CCDC136: variants seen among roughly 807,000 people sequenced by gnomAD.
The protein encoded by CCDC136 is coiled-coil domain-containing protein 136.
CCDC136 carries 100 observed loss-of-function variants against 141.2 expected under a neutral mutation model. The observed-to-expected ratio is 0.71, with a 90% confidence interval of 0.60 to 0.84. CCDC136 has a LOEUF of 0.84. CCDC136 is among the 40% of genes least tolerant of loss of function. The probability of loss-of-function intolerance (pLI) is 0.00; values close to 1 mark genes in which losing one functional copy is unlikely to be tolerated. For synonymous variants in CCDC136, 474 were observed against 531.9 expected (o/e 0.89, Z 1.50); for missense variants, 1,206 against 1,379.4 (o/e 0.87, Z 1.99).
intron 10 of CCDC136, 74 bp downstream of exon 10, chr7:128,807,619 A>G: frequency 9.3e-7 from 1 of 1,074,700 alleles, no homozygotes; most frequent in African/African-American, 1.6e-5. Flanking sequence ...GCAAAAAGTG[A>G]AGGCACCCAA....
At chr7:128,820,705 C>T (rs1421226025) in intron 17 of CCDC136, among the ~76,000 whole-genome samples, 1 of 152,180 alleles carries the variant, frequency 6.6e-6, no homozygotes, top group East Asian at 1.9e-4. Flanking sequence ...CTCAAGCGAT[C>T]CTCCTCCCTC....
chr7:128,817,626 G>GT lies in CCDC136; in HGVS notation c.3364-126dup. 1.2e-6 allele frequency: 1 copy of GT among 805,358 alleles called. No homozygotes were observed. The highest frequency in any genetic ancestry group is 2.2e-6 in the Non-Finnish European group (1 of 452,494). The allele number at this position is 805,358 out of a possible 1,614,324, so 49.9% of individuals were successfully genotyped here. On this transcript the variant is annotated intron_variant, in intron 16 of 17. Transcript: ENST00000297788. This position sits in a 1 kb window ranked among gnomAD's most constrained non-coding sequence, Gnocchi z 4.6. ...GACATGCAACTGCTCTAGCTTACCT[G>GT]TTTTTTAACCTCTTGATTCCTTTCT...
chr7:128,818,623 A>G (rs1271677839), intron 17 of CCDC136, among the ~76,000 whole-genome samples: 1 of 152,216 alleles, frequency 6.6e-6, no homozygotes, highest in Non-Finnish European at 1.5e-5. Context: ...AGAATGAGGT[A>G]TTAGTGAAAA....
rs757553337 is a variant in CCDC136, at chr7:128,811,795, C to T, written c.2029-5C>T. ...ATGATACTGTCTCCCCACCCCTGCC[C>T]CCAGCAATCCAAGCTGCTCATGGAG... On this transcript the variant is annotated splice_polypyrimidine_tract_variant and splice_region_variant and intron_variant, in intron 12 of 17. Coordinates refer to ENST00000297788, the MANE Select transcript of CCDC136 (RefSeq NM_022742.5). 6.2e-5 allele frequency: 97 copies of T among 1,564,644 alleles called. No homozygotes were observed. The highest frequency in any genetic ancestry group is 8.2e-5 in the Non-Finnish European group (95 of 1,159,318).
chr7:128,801,489 C>T lies in CCDC136; in HGVS notation c.650C>T (p.Ser217Leu). Reference sequence around the variant, plus strand: ...GAACCATCCGGTAGTTTAGGTCTCTCAGATTACTCTGGGTTACAAGGTATG... The same window carrying T: ...GAACCATCCGGTAGTTTAGGTCTCTTAGATTACTCTGGGTTACAAGGTATG... ...SSEPSGSLGL[S>L]DYSGLQEELQ... Residue 217 changes from serine (S) to leucine (L), a missense_variant, in exon 4 of 18, where the codon TCA becomes TTA. Transcript: ENST00000297788. 1 of 1,604,178 alleles carries T rather than the reference C, an allele frequency of 6.2e-7. No homozygotes were observed. The highest frequency in any genetic ancestry group is 1.1e-5 in the South Asian group (1 of 90,460).
chr7:128,817,799 T>G lies in CCDC136; in HGVS notation c.3405T>G (p.Leu1135=). The stretch of plus-strand genomic sequence containing the variant: ...ATCCCCCCATCTTCTCCTTGCCTCT[T>G]GTAGGCCTGGTGGTCATCTCGGCTT... ...TPNPPIFSLP[L]VGLVVISALL... is the part of the protein sequence containing the mutation. The change falls in exon 17 of 18, where the codon CTT becomes CTG. Residue 1135 remains leucine (L), a synonymous_variant. Coordinates refer to ENST00000297788, the MANE Select transcript of CCDC136 (RefSeq NM_022742.5). The surrounding 1 kb of genome is among the most constrained non-coding windows in gnomAD (Gnocchi z 4.6). The G allele has an allele frequency of 7.4e-6, 12 of 1,613,936 alleles. No homozygotes were observed. Among genetic ancestry groups the G allele is most frequent in the Non-Finnish European group, 1.0e-5 (12 of 1,179,862 alleles).
chr7:128,796,983 C>T (rs982397480), intron 3 of CCDC136, among the ~76,000 whole-genome samples: 28 of 151,712 alleles, frequency 1.8e-4, no homozygotes, highest in African/African-American at 3.4e-4. Context: ...CCTCGTGATC[C>T]GCCCGCCTCG....
Position 128,821,915 on chromosome 7 carries a change from G to C in CCDC136, c.*122G>C, listed in dbSNP as rs1350243376. The C allele has an allele frequency of 3.9e-6, 5 of 1,289,952 alleles. No homozygotes were observed. Among genetic ancestry groups the C allele is most frequent in the Non-Finnish European group, 5.1e-6 (5 of 988,914 alleles). 79.9% of individuals were successfully genotyped at this position (1,289,952 alleles called of 1,614,324 possible). A position where few individuals can be genotyped will look rare whatever the true frequency, so the allele number is the denominator to read the frequency against. Reference sequence around the variant, plus strand: ...AGTTCTGCCTCATGGAGTGATGGCAGACCTTGGCCAGCGCGAGGGCAGATC... The same window carrying C: ...AGTTCTGCCTCATGGAGTGATGGCACACCTTGGCCAGCGCGAGGGCAGATC... On this transcript the variant is annotated 3_prime_UTR_variant, in exon 18 of 18. Transcript: ENST00000297788. The surrounding 1 kb of genome is among the most constrained non-coding windows in gnomAD (Gnocchi z 5.1).
chr7:128,799,532 C>T (rs563736812), intron 3 of CCDC136, among the ~76,000 whole-genome samples: 4 of 151,580 alleles, frequency 2.6e-5, no homozygotes, highest in Non-Finnish European at 4.4e-5. Flanking sequence ...ACCAGATATG[C>T]TCTCTGCCTC....
At chr7:128,818,055 T>C in intron 17 of CCDC136, 191 bp downstream of exon 17, 1 of 574,972 alleles carries the variant, frequency 1.7e-6, no homozygotes, top group Non-Finnish European at 3.1e-6. Flanking sequence ...TCTCTGAGCA[T>C]GTCTTCGTAA....
chr7:128,807,398 G>C lies in CCDC136; in HGVS notation c.1458G>C (p.Gln486His). 6 of 1,577,528 alleles carry C rather than the reference G, an allele frequency of 3.8e-6. No individual in the cohort carries two copies. Among genetic ancestry groups the C allele is most frequent in the Non-Finnish European group, 4.3e-6 (5 of 1,162,280 alleles). Residue 486 changes from glutamine (Q) to histidine (H), a missense_variant, in exon 10 of 18, where the codon CAG becomes CAC. By Grantham distance (24) the Gln-to-His change is conservative. Coordinates refer to ENST00000297788, the MANE Select transcript of CCDC136 (RefSeq NM_022742.5). ...ACGCTCAGCTTCAGGAGATGAAGCA[G>C]CTGTACCAGGCCAGCAAGGACGAGC... Reference protein sequence around the residue: ...ETHAQLQEMKQLYQASKDELE... With the variant: ...ETHAQLQEMKHLYQASKDELE...
chr7:128,812,313 G>T lies in CCDC136; in HGVS notation c.2541+1G>T, dbSNP rs1318644961. The T allele has an allele frequency of 1.2e-6, 2 of 1,609,450 alleles. No individual in the cohort carries two copies. The highest frequency in any genetic ancestry group is 1.7e-5 in the Admixed American group (1 of 59,564). On this transcript the variant is annotated splice_donor_variant, in intron 13 of 17. Coordinates refer to ENST00000297788, the MANE Select transcript of CCDC136 (RefSeq NM_022742.5). LOFTEE classifies it high-confidence loss of function. ...ACCTGCTGAGCCTGAAGACATGGAGGTAATGGTTGCCAGGTGACAGGTCAG... is the reference window on the plus strand; with the variant it reads ...ACCTGCTGAGCCTGAAGACATGGAGTTAATGGTTGCCAGGTGACAGGTCAG...
intron 8 of CCDC136, 55 bp from the exon 9 acceptor site, chr7:128,806,633 A>G: frequency 2.7e-6 from 4 of 1,497,292 alleles, no homozygotes; most frequent in Non-Finnish European, 3.6e-6. Context: ...CTCACACAGA[A>G]GAGTGAGTGG....
chr7:128,809,342 C>A (rs1266344263), intron 10 of CCDC136, 108 bp from the exon 11 acceptor site: 5 of 760,480 alleles, frequency 6.6e-6, no homozygotes, highest in African/African-American at 5.2e-5. Context: ...GGTGACTGCA[C>A]AGGGAGAGGA....
intron 3 of CCDC136, among the ~76,000 whole-genome samples, chr7:128,797,001 A>G (rs565961154): frequency 5.5e-4 from 84 of 151,860 alleles, no homozygotes; most frequent in Non-Finnish European, 9.3e-4. Context: ...TCGGCCTCCC[A>G]AAGTGCTGGG....
chr7:128,805,436 T>C lies in CCDC136; in HGVS notation c.860T>C (p.Met287Thr), dbSNP rs201808958. ...MTSAESQTSE[M>T]DFLEPDPEMQ... ...TCAGCAGAGTCTCAGACTTCAGAAA[T>C]GGATTTCTTAGAGCCTGATCCTGAA... Residue 287 changes from methionine (M) to threonine (T), a missense_variant, in exon 6 of 18, where the codon ATG becomes ACG. By Grantham distance (81) the Met-to-Thr change is moderately conservative. Coordinates refer to ENST00000297788, the MANE Select transcript of CCDC136 (RefSeq NM_022742.5). This position sits in a 1 kb window ranked among gnomAD's most constrained non-coding sequence, Gnocchi z 4.6. 64 of 1,613,798 alleles carry C rather than the reference T, an allele frequency of 4.0e-5. 1 individual carries two copies. Among genetic ancestry groups the C allele is most frequent in the Non-Finnish European group, 5.3e-5 (62 of 1,179,874 alleles).
chr7:128,809,435 CG>C lies in CCDC136; in HGVS notation c.1606-14del. 3.4e-6 allele frequency: 5 copies of C among 1,478,688 alleles called. No homozygotes were observed. The highest frequency in any genetic ancestry group is 2.0e-5 in the Admixed American group (1 of 49,826). The allele number at this position is 1,478,688 out of a possible 1,614,324, so 91.6% of individuals were successfully genotyped here. On this transcript the variant is annotated splice_polypyrimidine_tract_variant and intron_variant, in intron 10 of 17. Transcript: ENST00000297788. ...ACAGAGTAACCACCCCCTCCACACC[CG>C]CCCCCACCCACAGTGTGACACACTG...
At chr7:128,791,820 CT>C (rs1216106148), upstream of CCDC136, 8 of 387,724 alleles carry the variant, frequency 2.1e-5, no homozygotes, top group Non-Finnish European at 3.1e-5. The surrounding 1 kb of genome is among the most constrained non-coding windows in gnomAD (Gnocchi z 7.1). Flanking sequence ...GCCTTCGGGA[CT>C]GCAGACCCTA....
chr7:128,820,131 G>T (rs1010584590), intron 17 of CCDC136, among the ~76,000 whole-genome samples: 1 of 152,112 alleles, frequency 6.6e-6, no homozygotes, highest in African/African-American at 2.4e-5. Flanking sequence ...CATCTACAGG[G>T]GTGGCAAGCC....
Sources: allele counts gnomAD v4.1 joint callset (sites outside exome capture counted in the v4.1 genomes callset), GRCh38; gene constraint gnomAD v4.1.1; non-coding constraint Gnocchi (gnomAD v3.1); transcripts MANE v1.5; gene names NCBI Gene and HGNC (gene_info 2026-07-23, HGNC 2026-07-21).